The following ZMAT4 variants were observed in gnomAD, a reference collection of about 807,000 sequenced individuals.
ZMAT4 encodes the protein zinc finger matrin-type protein 4.
In ZMAT4, 17 loss-of-function variants were observed where a neutral mutation model predicts 28.7. The ratio of observed to expected loss-of-function variants is 0.59; its 90% CI spans 0.41 to 0.89. The LOEUF is 0.89. Ranked by LOEUF, ZMAT4 falls within the 40% of genes least tolerant of loss-of-function variation. The pLI is 0.00. For synonymous variants in ZMAT4, 117 were observed against 109.2 expected (o/e 1.07, Z -0.44); for missense variants, 240 against 283.8 (o/e 0.85, Z 1.11).
At chr8:40,742,243 G>C (rs1019969298) in intron 3 of ZMAT4, among the ~76,000 whole-genome samples, 1 of 151,334 alleles carries the variant, frequency 6.6e-6, no homozygotes, top group Non-Finnish European at 1.5e-5. Context: ...GTGAGACCCT[G>C]TCTCGAAAAA....
intron 5 of ZMAT4, among the ~76,000 whole-genome samples, chr8:40,594,162 C>G (rs949271142): frequency 3.3e-5 from 5 of 152,174 alleles, no homozygotes; most frequent in Admixed American, 6.5e-5. Flanking sequence ...CACCTGACAG[C>G]CCCACTGCCA....
chr8:40,668,976 A>C (rs1305734665), intron 5 of ZMAT4, among the ~76,000 whole-genome samples: 1 of 152,038 alleles, frequency 6.6e-6, no homozygotes, highest in East Asian at 1.9e-4. Context: ...GACTAAACAC[A>C]ATGTATTTAA....
At position 40,881,538 on chromosome 8, in the gene ZMAT4, G is replaced by GAAAGA. The variant is rs1358872772; in HGVS notation, c.-5+16140_-5+16144dup. Among the ~76,000 whole-genome samples the GAAAGA allele has an allele frequency of 1.3e-4, 9 of 70,300 alleles. 1 individual carries two copies. The highest frequency in any genetic ancestry group is 4.3e-4 in the African/African-American group (7 of 16,122). The allele number at this position is 70,300 out of a possible 152,430, so 46.1% of individuals were successfully genotyped here. On this transcript the variant is annotated intron_variant, in intron 1 of 6. Coordinates refer to ENST00000297737, the MANE Select transcript of ZMAT4 (RefSeq NM_024645.3). The stretch of plus-strand genomic sequence containing the variant: ...GGGGAGAGAGAGAGACAGAAAGAAA[G>GAAAGA]AAAGAAAGAAAGAAAGAAAGAAAGA...
intron 5 of ZMAT4, 131 bp from the exon 6 acceptor site, chr8:40,581,392 C>T (rs1027147410): frequency 2.3e-5 from 15 of 649,826 alleles, no homozygotes; most frequent in Non-Finnish European, 3.8e-5. Flanking sequence ...ACACTTCAAC[C>T]CTTCCTTGCA....
At chr8:40,708,608 T>TAA (rs1810468803) in intron 3 of ZMAT4, among the ~76,000 whole-genome samples, 1 of 123,810 alleles carries the variant, frequency 8.1e-6, no homozygotes, top group African/African-American at 3.1e-5. Context: ...TCTCTCTCTC[T>TAA]CTCAAAGAAG....
intron 5 of ZMAT4, among the ~76,000 whole-genome samples, chr8:40,589,480 C>T: frequency 6.6e-6 from 1 of 152,170 alleles, no homozygotes; most frequent in African/African-American, 2.4e-5. Context: ...TTGTTAAAAA[C>T]ACAAATTCTA....
chr8:40,671,202 A>G (rs1808651785), intron 5 of ZMAT4, among the ~76,000 whole-genome samples: 1 of 152,202 alleles, frequency 6.6e-6, no homozygotes, highest in Admixed American at 6.5e-5. Flanking sequence ...TGGTGAGGCT[A>G]TGGAATTTTT....
chr8:40,840,220 C>G (rs1177100616), intron 1 of ZMAT4, among the ~76,000 whole-genome samples: 1 of 152,152 alleles, frequency 6.6e-6, no homozygotes, highest in East Asian at 1.9e-4. Flanking sequence ...AGCCATGCCC[C>G]CAAAATCACA....
chr8:40,713,940 GAAAAAGAAAAAGAA>G (rs1810737993), intron 3 of ZMAT4, among the ~76,000 whole-genome samples: 3 of 121,586 alleles, frequency 2.5e-5, no homozygotes, highest in Non-Finnish European at 3.5e-5. Context: ...AAAAAAAAAA[GAAAAAGAAAAAGAA>G]AAAAAGAAAA....
At chr8:40,604,554 AT>A (rs1451267258) in intron 5 of ZMAT4, among the ~76,000 whole-genome samples, 1 of 152,228 alleles carries the variant, frequency 6.6e-6, no homozygotes, top group East Asian at 1.9e-4. Context: ...CCATCCCTGC[AT>A]TCCAGGTATG....
At chr8:40,562,155 G>C (rs1803766505) in intron 6 of ZMAT4, among the ~76,000 whole-genome samples, 2 of 152,142 alleles carry the variant, frequency 1.3e-5, no homozygotes, top group African/African-American at 4.8e-5. Flanking sequence ...TTCATATCAG[G>C]TCTGCTTTCC....
At chr8:40,895,608 C>A (rs781289649) in intron 1 of ZMAT4, among the ~76,000 whole-genome samples, 10 of 152,272 alleles carry the variant, frequency 6.6e-5, no homozygotes, top group South Asian at 4.1e-4. Flanking sequence ...CTTGTACTTT[C>A]CAAGGCCCCC....
intron 5 of ZMAT4, among the ~76,000 whole-genome samples, chr8:40,634,796 A>G (rs1383429591): frequency 6.6e-6 from 1 of 152,236 alleles, no homozygotes; most frequent in Non-Finnish European, 1.5e-5. Context: ...TCGCTTGTGT[A>G]TAAAAGCGTC....
chr8:40,750,593 A>C (rs759699265), intron 3 of ZMAT4, among the ~76,000 whole-genome samples: 3 of 152,250 alleles, frequency 2.0e-5, no homozygotes, highest in Non-Finnish European at 4.4e-5. Flanking sequence ...CATGAGAAAA[A>C]TAAACTTATG....
At chr8:40,631,631 A>AT (rs1806587540) in intron 5 of ZMAT4, among the ~76,000 whole-genome samples, 1 of 152,272 alleles carries the variant, frequency 6.6e-6, no homozygotes, top group Admixed American at 6.5e-5. Context: ...GATGGGGGAG[A>AT]TAGAAGTTAA....
At chr8:40,808,688 A>G in intron 2 of ZMAT4, 1 of 334,102 alleles carries the variant, frequency 3.0e-6, no homozygotes, top group Non-Finnish European at 6.0e-6. Context: ...AAGAGAGGGA[A>G]AGAGCAGGCA....
intron 5 of ZMAT4, among the ~76,000 whole-genome samples, chr8:40,628,181 G>A (rs1167763078): frequency 2.0e-5 from 3 of 152,190 alleles, no homozygotes; most frequent in Non-Finnish European, 4.4e-5. Flanking sequence ...ATAAACTCAA[G>A]AGGGCTGGAG....
At chr8:40,727,306 C>T (rs576000872) in intron 3 of ZMAT4, among the ~76,000 whole-genome samples, 4 of 152,248 alleles carry the variant, frequency 2.6e-5, no homozygotes, top group African/African-American at 9.6e-5. Flanking sequence ...ATCATATTCC[C>T]TCGTGTCTAT....
chr8:40,688,811 G>A (rs1403457751), intron 4 of ZMAT4, among the ~76,000 whole-genome samples: 2 of 152,140 alleles, frequency 1.3e-5, no homozygotes, highest in East Asian at 1.9e-4. Flanking sequence ...TTTCTTATAG[G>A]CTCACTTCAT....
Sources: gnomAD v4.1 joint callset for allele counts (sites outside exome capture counted in the v4.1 genomes callset) on GRCh38, gnomAD v4.1.1 for gene constraint, MANE v1.5 for transcripts, NCBI Gene and HGNC (gene_info 2026-07-23, HGNC 2026-07-21) for gene names.